The following SMARCA2 variants were observed in gnomAD, a reference collection of about 807,000 sequenced individuals.
The protein encoded by SMARCA2 is SWI/SNF-related matrix-associated actin-dependent regulator of chromatin subfamily A member 2.
A neutral mutation model predicts 199.8 loss-of-function variants in SMARCA2; 61 were observed. The observed-to-expected ratio is 0.31, with a 90% CI of 0.25 to 0.38. SMARCA2 has a LOEUF of 0.38. SMARCA2 is among the 10% of genes least tolerant of loss of function. The pLI is 1.00. For synonymous variants in SMARCA2, 935 were observed against 732.0 expected, an observed-to-expected ratio of 1.28 and a Z score of -4.48; for missense variants, 1,344 against 2,012.2, an observed-to-expected ratio of 0.67 and a Z score of 6.35.
intron 31 of SMARCA2, among the ~76,000 whole-genome samples, chr9:2,184,126 C>G (rs915276017): frequency 1.3e-5 from 2 of 152,140 alleles, no homozygotes; most frequent in Non-Finnish European, 2.9e-5. Flanking sequence ...CTGTAGACTG[C>G]TTGCTGAGGT....
In SMARCA2 at chr9:2,072,374, A is replaced by T. The variant is rs562706225; in HGVS notation, c.1747-838A>T. Among the ~76,000 whole-genome samples, 19 of 152,336 alleles carry T rather than the reference A, an allele frequency of 1.2e-4. No individual in the cohort carries two copies. The South Asian group carries it at 3.7e-3, about 30-fold the overall frequency. The stretch of plus-strand genomic sequence containing the variant: ...TCGTTACTGATTATATTCAAGTGTG[A>T]TTCTTGTGTTCCTTGGATATAGTAG... On this transcript the variant is annotated intron_variant, in intron 10 of 33. Coordinates refer to ENST00000349721, the MANE Select transcript of SMARCA2 (RefSeq NM_003070.5).
At chr9:2,102,324 G>T (rs1407672681) in intron 22 of SMARCA2, among the ~76,000 whole-genome samples, 1 of 152,114 alleles carries the variant, frequency 6.6e-6, no homozygotes, top group East Asian at 1.9e-4. Context: ...CTCTTCTCTG[G>T]GTTCTGTGGT....
At chr9:2,111,388 A>C (rs988943369) in intron 24 of SMARCA2, among the ~76,000 whole-genome samples, 2 of 150,816 alleles carry the variant, frequency 1.3e-5, no homozygotes, top group African/African-American at 4.9e-5. Context: ...GTTCCTCAGC[A>C]GGCTGAGGTG....
intron 28 of SMARCA2, among the ~76,000 whole-genome samples, chr9:2,166,142 A>G (rs755136239): frequency 2.0e-5 from 3 of 152,218 alleles, no homozygotes; most frequent in African/African-American, 7.2e-5. Flanking sequence ...ATCAACAAGC[A>G]TATCTACCTC....
At chr9:2,091,011 G>T (rs968700830) in intron 19 of SMARCA2, among the ~76,000 whole-genome samples, 1 of 152,166 alleles carries the variant, frequency 6.6e-6, no homozygotes, top group Non-Finnish European at 1.5e-5. Flanking sequence ...GCAGATGGAG[G>T]AAAAGGCTAA....
chr9:2,148,709 A>G (rs921800689), intron 27 of SMARCA2, among the ~76,000 whole-genome samples: 2 of 151,216 alleles, frequency 1.3e-5, no homozygotes, highest in Non-Finnish European at 3.0e-5. Context: ...GAGTTTTGCC[A>G]TGTTGCCTAG....
At chr9:2,150,125 C>G (rs1005504555) in intron 27 of SMARCA2, among the ~76,000 whole-genome samples, 2 of 151,576 alleles carry the variant, frequency 1.3e-5, no homozygotes, top group African/African-American at 4.8e-5. Context: ...ATTAGAACCT[C>G]CCTGGGAAGA....
chr9:2,165,678 G>A (rs1051949512), intron 28 of SMARCA2, among the ~76,000 whole-genome samples: 31 of 152,146 alleles, frequency 2.0e-4, no homozygotes, highest in African/African-American at 6.3e-4. Flanking sequence ...TTTAACCTAA[G>A]ACTGTTCTTT....
rs1481873904 is a variant in SMARCA2, at chr9:2,119,658, C to T, written c.3762+123C>T. The T allele has an allele frequency of 6.0e-6, 4 of 672,022 alleles. No homozygotes were observed. Among genetic ancestry groups the T allele is most frequent in the East Asian group, 2.8e-5 (1 of 35,898 alleles). The allele number at this position is 672,022 out of a possible 1,614,324, so 41.6% of individuals were successfully genotyped here. ...ATACGTAAAGCCTATGCCTTTCCTTCAGTTCAGAGGCTGCAAACTGGCTGG... is the reference window on the plus strand; with the variant it reads ...ATACGTAAAGCCTATGCCTTTCCTTTAGTTCAGAGGCTGCAAACTGGCTGG... On this transcript the variant is annotated intron_variant, in intron 26 of 33. Coordinates refer to ENST00000349721, the MANE Select transcript of SMARCA2 (RefSeq NM_003070.5). The surrounding 1 kb of genome is among the most constrained non-coding windows in gnomAD (Gnocchi z 4.6).
chr9:2,093,415 G>A (rs886959498), intron 19 of SMARCA2, among the ~76,000 whole-genome samples: 3 of 152,198 alleles, frequency 2.0e-5, no homozygotes, highest in African/African-American at 4.8e-5. Flanking sequence ...GTCTGAAAGC[G>A]AGTCATGTGC....
chr9:2,077,201 C>T, intron 13 of SMARCA2, among the ~76,000 whole-genome samples: 1 of 152,136 alleles, frequency 6.6e-6, no homozygotes. Context: ...CTCCCCCTGC[C>T]CTCCCAGCTT....
intron 9 of SMARCA2, among the ~76,000 whole-genome samples, chr9:2,064,831 A>G (rs1268998692): frequency 6.6e-6 from 1 of 152,170 alleles, no homozygotes; most frequent in African/African-American, 2.4e-5. Flanking sequence ...TTTAGGGTAC[A>G]TTTTTCCTTA....
intron 24 of SMARCA2, among the ~76,000 whole-genome samples, chr9:2,113,849 T>A (rs1823110224): frequency 6.6e-6 from 1 of 152,242 alleles, no homozygotes; most frequent in Admixed American, 6.5e-5. Context: ...AGCAATCTAC[T>A]ACTCGCGGGC....
Position 2,153,827 on chromosome 9 carries a change from TGA to T in SMARCA2, c.3982-7848_3982-7847del, listed in dbSNP as rs1290189462. On this transcript the variant is annotated intron_variant, in intron 27 of 33. Coordinates refer to ENST00000349721, the MANE Select transcript of SMARCA2 (RefSeq NM_003070.5). ...ATGCAAAGCTGTGTGTGTGTGTGTG[TGA>T]GAGAGAGAGATCTTTGCTGGAAGTG... 2.1e-4 allele frequency among the ~76,000 whole-genome samples: 31 copies of T among 149,970 alleles called. No homozygotes were observed. In the South Asian group the frequency reaches 5.7e-3, roughly 28 times the overall value.
chr9:2,052,649 C>T lies in SMARCA2; in HGVS notation c.1047-1948C>T, dbSNP rs182982426. On this transcript the variant is annotated intron_variant, in intron 5 of 33. Transcript: ENST00000349721. ...GTCCCTGAAAAATAGTTTTCCTTAC[C>T]ACCATTTTTAAATTTTTAAAAATGA... Among the ~76,000 whole-genome samples the T allele has an allele frequency of 3.3e-5, 5 of 152,174 alleles. No individual in the cohort carries two copies. The East Asian group carries it at 9.7e-4, about 29-fold the overall frequency.
chr9:2,065,473 A>G (rs1820799805), intron 9 of SMARCA2, among the ~76,000 whole-genome samples: 1 of 151,892 alleles, frequency 6.6e-6, no homozygotes, highest in Admixed American at 6.6e-5. Context: ...CTCCTTACCA[A>G]CCGCTATTAT....
chr9:2,047,150 CG>C, intron 4 of SMARCA2, 78 bp from the exon 5 acceptor site: 5 of 993,192 alleles, frequency 5.0e-6, no homozygotes, highest in South Asian at 4.7e-5. Context: ...CACTGGGCCC[CG>C]GGGGGCGGCG....
At chr9:2,072,473 A>G (rs564830294) in intron 10 of SMARCA2, among the ~76,000 whole-genome samples, 4 of 152,282 alleles carry the variant, frequency 2.6e-5, no homozygotes, top group African/African-American at 9.6e-5. Context: ...TTTCTTTGTC[A>G]CACTCAAAGA....
intron 27 of SMARCA2, among the ~76,000 whole-genome samples, chr9:2,131,888 A>G (rs7037486): frequency 0.046 from 6,920 of 150,966 alleles, 551 homozygotes; most frequent in African/African-American, 0.16. Flanking sequence ...GCAGTGAGCC[A>G]AGATCACACC....
Sources: allele counts gnomAD v4.1 joint callset (sites outside exome capture counted in the v4.1 genomes callset), GRCh38; gene constraint gnomAD v4.1.1; non-coding constraint Gnocchi (gnomAD v3.1); transcripts MANE v1.5; gene names NCBI Gene and HGNC (gene_info 2026-07-23, HGNC 2026-07-21).